Variants in SLC16A8 observed in about 807,000 individuals in gnomAD.
The protein encoded by SLC16A8 is monocarboxylate transporter 3.
Under a neutral mutation model 22.4 loss-of-function variants are expected in SLC16A8, and 20 were observed. That is an observed-to-expected ratio of 0.89 (90% CI 0.63 to 1.30). The LOEUF (loss-of-function observed/expected upper bound fraction) is 1.30, where lower values mean the gene tolerates loss of function less well. Ranked by LOEUF, SLC16A8 falls within the 50% of genes most tolerant of loss-of-function variation. The pLI, the probability that SLC16A8 is intolerant of heterozygous loss-of-function variation, is 0.00. For synonymous variants in SLC16A8, 393 were observed against 358.8 expected (o/e 1.10, Z -1.08); for missense variants, 817 against 740.3 (o/e 1.10, Z -1.20).
At chr22:38,078,757 C>A (rs1448313340) in intron 5 of SLC16A8, 53 bp from the exon 6 acceptor site, 2 of 1,517,662 alleles carry the variant, frequency 1.3e-6, no homozygotes, top group African/African-American at 2.7e-5. Context: ...GGGTCCTCCC[C>A]TCACTCTCCT....
intron 5 of SLC16A8, among the ~76,000 whole-genome samples, chr22:38,079,977 TG>T (rs2085892712): frequency 6.6e-6 from 1 of 152,190 alleles, no homozygotes; most frequent in Non-Finnish European, 1.5e-5. Flanking sequence ...AGCCCAGCCC[TG>T]AAGGAAGGAC....
intron 5 of SLC16A8, 36 bp downstream of exon 5, chr22:38,080,804 A>G: frequency 4.1e-6 from 6 of 1,459,604 alleles, no homozygotes; most frequent in Non-Finnish European, 5.4e-6. Flanking sequence ...TCTAAGGGGC[A>G]CTAGGCTCGC....
At chr22:38,082,063 C>T in intron 3 of SLC16A8, 31 bp from the exon 4 acceptor site, 2 of 1,552,218 alleles carry the variant, frequency 1.3e-6, no homozygotes, top group South Asian at 1.2e-5. Context: ...CCACCCGGGT[C>T]CCGGGATGGC....
chr22:38,078,662 TAGA>T lies in SLC16A8; in HGVS notation c.1238_1240del (p.Phe413del). 3 of 1,612,814 alleles carry T rather than the reference TAGA, an allele frequency of 1.9e-6. No individual in the cohort carries two copies. Among genetic ancestry groups the T allele is most frequent in the Non-Finnish European group, 2.5e-6 (3 of 1,178,958 alleles). On this transcript the variant is annotated inframe_deletion, in exon 6 of 6. Coordinates refer to ENST00000681075, the MANE Select transcript of SLC16A8 (RefSeq NM_013356.3). ...CAGGGCCACCTCAGAGCCGGCCAGG[TAGA>T]AGATGATCTCATAGTTCTTCAACAC...
rs1418415516 is a variant in SLC16A8 at position 38,081,944 on chromosome 22, T to A, written c.303A>T (p.Leu101=). The change falls in exon 4 of 6, where the codon CTA becomes CTT. Residue 101 remains leucine (L), a synonymous_variant. Coordinates refer to ENST00000681075, the MANE Select transcript of SLC16A8 (RefSeq NM_013356.3). ...GGLLASAGMI[L]ASFATRLLEL... is the part of the protein sequence containing the mutation. ...CCAGGAGGCGCGTGGCAAAGGAAGC[T>A]AGGATCATGCCCGCGGAAGCCAGCA... 12 of 1,571,050 alleles carry A rather than the reference T, an allele frequency of 7.6e-6. No individual in the cohort carries two copies. The highest frequency in any genetic ancestry group is 8.6e-6 in the Non-Finnish European group (10 of 1,158,292).
chr22:38,080,176 C>A (rs2145896447), intron 5 of SLC16A8, among the ~76,000 whole-genome samples: 1 of 151,940 alleles, frequency 6.6e-6, no homozygotes, highest in South Asian at 2.1e-4. Flanking sequence ...TGGTTCCTGC[C>A]TTGCTTGCAT....
rs936491448 is a variant in SLC16A8, at chr22:38,082,854, C to G, written c.20G>C (p.Arg7Pro). The G allele has an allele frequency of 1.2e-4, 182 of 1,551,286 alleles. No homozygotes were observed. The highest frequency in any genetic ancestry group is 1.4e-4 in the Non-Finnish European group (167 of 1,153,198). ...GCCGTCTGGGGGGCCCTCGCCCCGCCGGGGGCCGCCAGCGCCCATCGCTGC... is the reference window on the plus strand; with the variant it reads ...GCCGTCTGGGGGGCCCTCGCCCCGCGGGGGGCCGCCAGCGCCCATCGCTGC... MGAGGP[R>P]RGEGPPDGGW... The change falls in exon 3 of 6, where the codon CGG becomes CCG. Residue 7 changes from arginine (R) to proline (P), a missense_variant. Physicochemically the swap from Arg to Pro is moderately radical, Grantham distance 103. Coordinates refer to ENST00000681075, the MANE Select transcript of SLC16A8 (RefSeq NM_013356.3).
chr22:38,082,513 CCT>C (rs2085933803), intron 3 of SLC16A8, 145 bp downstream of exon 3: 2 of 724,494 alleles, frequency 2.8e-6, no homozygotes, highest in South Asian at 3.8e-5. Context: ...CCTCTCTTCC[CCT>C]CTTTCTGGTG....
In SLC16A8 at chr22:38,081,654, C is replaced by T. The variant is rs529402942; in HGVS notation, c.384G>A (p.Gln128=). 7.9e-6 allele frequency: 12 copies of T among 1,525,320 alleles called. No homozygotes were observed. Among genetic ancestry groups the T allele is most frequent in the Non-Finnish European group, 3.5e-6 (4 of 1,141,544 alleles). The allele number at this position is 1,525,320 out of a possible 1,614,324, so 94.5% of individuals were successfully genotyped here. Residue 128 remains glutamine, a synonymous_variant, in exon 5 of 6, where the codon CAG becomes CAA. Coordinates refer to ENST00000681075, the MANE Select transcript of SLC16A8 (RefSeq NM_013356.3). ...ACAGCCCCAGCATGATGAGCGACGG[C>T]TGGAAGTTGAGGGCCAGGCCCAGGC... The part of the protein sequence containing the change: ...LTGLGLALNF[Q]PSLIMLGLYF...
chr22:38,083,531 C>T (rs1047973478), intron 1 of SLC16A8, among the ~76,000 whole-genome samples, 170 bp from the exon 2 acceptor site: 22 of 152,188 alleles, frequency 1.4e-4, no homozygotes, highest in Non-Finnish European at 2.9e-5. Context: ...GGTGATTGAT[C>T]ACCCCGAGGC....
rs1172184178 is a variant in SLC16A8 at position 38,083,369 on chromosome 22, CATT to C, written c.-328-11_-328-9del. 6.4e-6 allele frequency: 1 copy of C among 156,632 alleles called. No homozygotes were observed. Among genetic ancestry groups the C allele is most frequent in the Non-Finnish European group, 1.4e-5 (1 of 70,876 alleles). 9.7% of individuals were successfully genotyped at this position (156,632 alleles called of 1,614,324 possible). A position where few individuals can be genotyped will look rare whatever the true frequency, so the allele number is the denominator to read the frequency against. On this transcript the variant is annotated splice_polypyrimidine_tract_variant and intron_variant, in intron 1 of 5. Coordinates refer to ENST00000681075, the MANE Select transcript of SLC16A8 (RefSeq NM_013356.3). ...CTCAGTGATCACAAATGACTATTGT[CATT>C]AGAACATTAAGGGGACAAAAGCCAC...
In SLC16A8 at chr22:38,081,119, C is replaced by G. The variant is rs1174257629; in HGVS notation, c.919G>C (p.Gly307Arg). ...FVDIVARPAC[G>R]ALAGLARLRP... ...AGACGCGCCAGGCCCGCCAGGGCGCCGCACGCCGGGCGCGCCACGATGTCC... is the reference window on the plus strand; with the variant it reads ...AGACGCGCCAGGCCCGCCAGGGCGCGGCACGCCGGGCGCGCCACGATGTCC... Residue 307 changes from glycine (G) to arginine (R), a missense_variant, in exon 5 of 6, where the codon GGC (glycine) becomes CGC (arginine). Coordinates refer to ENST00000681075, the MANE Select transcript of SLC16A8 (RefSeq NM_013356.3). 1 of 1,545,406 alleles carries G rather than the reference C, an allele frequency of 6.5e-7. No homozygotes were observed. Among genetic ancestry groups the G allele is most frequent in the South Asian group, 1.2e-5 (1 of 83,832 alleles).
Position 38,083,112 on chromosome 22 carries a change from A to G in SLC16A8, c.-79T>C. On this transcript the variant is annotated 5_prime_UTR_variant, in exon 2 of 6. Coordinates refer to ENST00000681075, the MANE Select transcript of SLC16A8 (RefSeq NM_013356.3). ...GACGACGGGTCCCACCTGACTCTGC[A>G]CCTCTGCAGGCTCCCTCTGAAGGAC... The G allele has an allele frequency of 1.8e-6, 1 of 552,812 alleles. No homozygotes were observed. The highest frequency in any genetic ancestry group is 2.4e-5 in the South Asian group (1 of 41,860). 34.2% of individuals were successfully genotyped at this position (552,812 alleles called of 1,614,324 possible). A position where few individuals can be genotyped will look rare whatever the true frequency, so the allele number is the denominator to read the frequency against.
chr22:38,081,341 A>T lies in SLC16A8; in HGVS notation c.697T>A (p.Ser233Thr). The change falls in exon 5 of 6, where the codon TCC becomes ACC. Residue 233 changes from serine to threonine, a missense_variant. Physicochemically the swap from Ser to Thr is moderately conservative, Grantham distance 58. Coordinates refer to ENST00000681075, the MANE Select transcript of SLC16A8 (RefSeq NM_013356.3). The stretch of plus-strand genomic sequence containing the variant: ...CGCCGGCGGGGCCGGACCCTGGGGG[A>T]TGCCTCGCGCAGCTGCAGCCCCGCA... Reference protein sequence around the residue: ...DGAGLQLREASPRVRPRRRLL... With the variant: ...DGAGLQLREATPRVRPRRRLL... The T allele has an allele frequency of 6.8e-7, 1 of 1,465,558 alleles. No individual in the cohort carries two copies. The highest frequency in any genetic ancestry group is 9.0e-7 in the Non-Finnish European group (1 of 1,110,490). 90.8% of individuals were successfully genotyped at this position (1,465,558 alleles called of 1,614,324 possible).
chr22:38,082,661 C>T lies in SLC16A8; in HGVS notation c.213G>A (p.Thr71=), dbSNP rs550353622. Residue 71 remains threonine, a splice_region_variant and synonymous_variant, in exon 3 of 6, where the codon ACG becomes ACA. Transcript: ENST00000681075. Reference sequence around the variant, plus strand: ...GGAGGGCCGGGCGGGGACACTGACCCGTGCCGTAGAGCATGGCTAGCATGA... The same window carrying T: ...GGAGGGCCGGGCGGGGACACTGACCTGTGCCGTAGAGCATGGCTAGCATGA... ...SSIMLAMLYG[T]GPVSSILVTR... is the part of the protein sequence containing the mutation. 1.1e-5 allele frequency: 18 copies of T among 1,568,044 alleles called. No individual in the cohort carries two copies. The highest frequency in any genetic ancestry group is 1.4e-5 in the Non-Finnish European group (16 of 1,158,250).
chr22:38,081,773 C>G (rs1298743837), intron 4 of SLC16A8, 94 bp from the exon 5 acceptor site: 3 of 1,459,088 alleles, frequency 2.1e-6, no homozygotes, highest in Admixed American at 5.1e-5. Context: ...CCAGCAGATC[C>G]GGGAACCCAG....
rs751666464 is a variant in SLC16A8 at position 38,082,768 on chromosome 22, GGAAGCCGTAGGC to G, written c.94_105del (p.Ala32_Phe35del). Reference sequence around the variant, plus strand: ...CGGAAGAAGACGCTCACGGCTTTGGGGAAGCCGTAGGCGAAGCCGGTGACCACAAAGCAGGCG... The same window carrying G: ...CGGAAGAAGACGCTCACGGCTTTGGGGAAGCCGGTGACCACAAAGCAGGCG... On this transcript the variant is annotated inframe_deletion, in exon 3 of 6. Transcript: ENST00000681075. 1.6e-5 allele frequency: 25 copies of G among 1,595,648 alleles called. No individual in the cohort carries two copies. The African/African-American group carries it at 2.1e-4, about 14-fold the overall frequency.
At position 38,081,998 on chromosome 22, in the gene SLC16A8, G is replaced by A; in HGVS notation, c.249C>T (p.Gly83=). 1 of 1,577,758 alleles carries A rather than the reference G, an allele frequency of 6.3e-7. No individual in the cohort carries two copies. Among genetic ancestry groups the A allele is most frequent in the Non-Finnish European group, 8.6e-7 (1 of 1,162,254 alleles). Residue 83 remains glycine, a synonymous_variant, in exon 4 of 6, where the codon GGC becomes GGT. Coordinates refer to ENST00000681075, the MANE Select transcript of SLC16A8 (RefSeq NM_013356.3). ...PVSSILVTRF[G]CRPVMLAGGL... ...CACCCGCCAGCATCACCGGGCGACAGCCAAAGCGGGTCACGAGGATGCTGG... is the reference window on the plus strand; with the variant it reads ...CACCCGCCAGCATCACCGGGCGACAACCAAAGCGGGTCACGAGGATGCTGG...
rs749601602 is a variant in SLC16A8, at chr22:38,082,007, G to A, written c.240C>T (p.Thr80=). ...GTGPVSSILV[T]RFGCRPVMLA... ...GCATCACCGGGCGACAGCCAAAGCG[G>A]GTCACGAGGATGCTGGACACGGGGC... Residue 80 remains threonine, a synonymous_variant, in exon 4 of 6, where the codon ACC becomes ACT. Coordinates refer to ENST00000681075, the MANE Select transcript of SLC16A8 (RefSeq NM_013356.3). 6.3e-7 allele frequency: 1 copy of A among 1,579,154 alleles called. No individual in the cohort carries two copies. The highest frequency in any genetic ancestry group is 2.3e-5 in the East Asian group (1 of 42,908).
Sources: allele counts gnomAD v4.1 joint callset (sites outside exome capture counted in the v4.1 genomes callset), GRCh38; gene constraint gnomAD v4.1.1; transcripts MANE v1.5; gene names NCBI Gene and HGNC (gene_info 2026-07-23, HGNC 2026-07-21).